RABGAP1L: variants seen among roughly 807,000 people sequenced by gnomAD.
The protein encoded by RABGAP1L is rab GTPase-activating protein 1-like.
RABGAP1L carries 63 observed loss-of-function variants against 137.7 expected under a neutral mutation model. The ratio of observed to expected loss-of-function variants is 0.46; its 90% CI spans 0.37 to 0.56. RABGAP1L has a LOEUF of 0.56. Among genes scored for constraint, RABGAP1L ranks in the 20% least tolerant of loss-of-function variants. The pLI is 0.00. For synonymous variants in RABGAP1L, 431 were observed against 433.7 expected (o/e 0.99, Z 0.08); for missense variants, 1,095 against 1,244.0 (o/e 0.88, Z 1.80).
intron 11 of RABGAP1L, among the ~76,000 whole-genome samples, chr1:174,328,418 A>G (rs1301212488): frequency 6.6e-6 from 1 of 152,190 alleles, no homozygotes; most frequent in Non-Finnish European, 1.5e-5. Flanking sequence ...ATGCATAGAA[A>G]TTAAACAATA....
chr1:174,494,652 A>G (rs1158230340), intron 13 of RABGAP1L, among the ~76,000 whole-genome samples: 1 of 152,160 alleles, frequency 6.6e-6, no homozygotes, highest in Non-Finnish European at 1.5e-5. Flanking sequence ...AAGAATTCCT[A>G]ACAGCCAAAA....
intron 19 of RABGAP1L, among the ~76,000 whole-genome samples, chr1:174,822,687 A>C (rs1254086223): frequency 2.0e-5 from 3 of 152,208 alleles, no homozygotes; most frequent in Non-Finnish European, 4.4e-5. Flanking sequence ...ATGAAAATCT[A>C]ATGCTACTGC....
intron 12 of RABGAP1L, among the ~76,000 whole-genome samples, chr1:174,392,560 C>T (rs918192229): frequency 6.6e-6 from 1 of 152,152 alleles, no homozygotes; most frequent in Non-Finnish European, 1.5e-5. Flanking sequence ...TAAAAGAAAC[C>T]ATTAAATCTG....
At chr1:174,779,700 T>C (rs932313430) in intron 18 of RABGAP1L, among the ~76,000 whole-genome samples, 2 of 152,216 alleles carry the variant, frequency 1.3e-5, no homozygotes, top group Non-Finnish European at 2.9e-5. Flanking sequence ...TAACCCTTAC[T>C]TCATTTGATT....
chr1:174,231,042 G>C (rs993653372), intron 3 of RABGAP1L, 103 bp from the exon 4 acceptor site: 1 of 802,898 alleles, frequency 1.2e-6, no homozygotes, highest in African/African-American at 1.7e-5. Context: ...GAGAGACCTA[G>C]ATTTTGTTTG....
At chr1:174,851,872 G>A (rs182136955) in intron 19 of RABGAP1L, among the ~76,000 whole-genome samples, 7 of 151,952 alleles carry the variant, frequency 4.6e-5, no homozygotes, top group African/African-American at 1.7e-4. Context: ...AAATTCCTGG[G>A]TTTATGTGAC....
At chr1:174,378,041 T>C (rs1326873640) in intron 12 of RABGAP1L, among the ~76,000 whole-genome samples, 2 of 143,462 alleles carry the variant, frequency 1.4e-5, no homozygotes, top group African/African-American at 5.4e-5. Context: ...CGGTGTTTGG[T>C]TTTTTGTTCT....
chr1:174,990,183 C>T lies in RABGAP1L; in HGVS notation c.*182C>T, dbSNP rs565050282. 5.3e-4 allele frequency: 377 copies of T among 705,938 alleles called. No homozygotes were observed. Among genetic ancestry groups the T allele is most frequent in the Non-Finnish European group, 5.2e-4 (237 of 455,602 alleles). The allele number at this position is 705,938 out of a possible 1,614,324, so 43.7% of individuals were successfully genotyped here. On this transcript the variant is annotated 3_prime_UTR_variant, in exon 26 of 26. Coordinates refer to ENST00000681986, the MANE Select transcript of RABGAP1L (RefSeq NM_001366446.1). ...GGGATGCTATTTAAACTGACCTGTT[C>T]TATGTTGAATACCTATTTTCCAGCT... is the stretch of plus-strand genomic sequence containing the variant.
At chr1:174,984,727 G>A (rs898954476) in intron 24 of RABGAP1L, among the ~76,000 whole-genome samples, 6 of 152,138 alleles carry the variant, frequency 3.9e-5, no homozygotes, top group African/African-American at 1.4e-4. Context: ...GAGCAGCAGA[G>A]TGAGATTCCA....
At chr1:174,218,954 C>T (rs1167806809) in intron 1 of RABGAP1L, among the ~76,000 whole-genome samples, 171 bp from the exon 2 acceptor site, 2 of 152,050 alleles carry the variant, frequency 1.3e-5, no homozygotes, top group East Asian at 1.9e-4. Flanking sequence ...AGTACATTTC[C>T]ATTAAGTGGC....
chr1:174,489,961 T>C (rs6658315), intron 13 of RABGAP1L, among the ~76,000 whole-genome samples: 58,739 of 151,774 alleles, frequency 0.39, 14,294 homozygotes, highest in African/African-American at 0.69. Flanking sequence ...GTTCAGTTCA[T>C]GTGATAGAAT....
chr1:174,932,305 T>C (rs972941818), intron 19 of RABGAP1L, among the ~76,000 whole-genome samples: 11 of 151,970 alleles, frequency 7.2e-5, no homozygotes, highest in African/African-American at 2.2e-4. Context: ...TTTAACTCTC[T>C]CCTTAGTCAC....
intron 19 of RABGAP1L, among the ~76,000 whole-genome samples, chr1:174,934,567 A>C (rs1313044060): frequency 6.6e-6 from 1 of 152,028 alleles, no homozygotes; most frequent in Non-Finnish European, 1.5e-5. Context: ...CAGGTGGATC[A>C]GTTGCTTGAG....
At chr1:174,544,559 G>C (rs912351939) in intron 13 of RABGAP1L, among the ~76,000 whole-genome samples, 1 of 152,104 alleles carries the variant, frequency 6.6e-6, no homozygotes, top group Admixed American at 6.5e-5. Context: ...CTTTAGCTCG[G>C]ATAAGTTCGT....
chr1:174,868,828 C>T (rs960856722), intron 19 of RABGAP1L, among the ~76,000 whole-genome samples: 1 of 152,134 alleles, frequency 6.6e-6, no homozygotes, highest in Non-Finnish European at 1.5e-5. Flanking sequence ...AAGACTTCAC[C>T]TCCACTAACC....
intron 18 of RABGAP1L, among the ~76,000 whole-genome samples, chr1:174,800,671 T>A (rs1280849440): frequency 6.6e-6 from 1 of 152,172 alleles, no homozygotes; most frequent in Non-Finnish European, 1.5e-5. Flanking sequence ...TGGAGCCTGG[T>A]CCACACCACC....
At chr1:174,274,799 T>C (rs1057310809) in intron 8 of RABGAP1L, among the ~76,000 whole-genome samples, 9 of 152,030 alleles carry the variant, frequency 5.9e-5, no homozygotes, top group African/African-American at 1.9e-4. Flanking sequence ...ACTAGAAAAA[T>C]ATACATAGTA....
chr1:174,329,169 C>T (rs1680806750), intron 11 of RABGAP1L, among the ~76,000 whole-genome samples: 1 of 151,674 alleles, frequency 6.6e-6, no homozygotes, highest in African/African-American at 2.4e-5. Context: ...CAACTGATAC[C>T]CTAGAAATGC....
intron 18 of RABGAP1L, among the ~76,000 whole-genome samples, chr1:174,766,487 A>G (rs984765181): frequency 1.3e-5 from 2 of 151,906 alleles, no homozygotes; most frequent in African/African-American, 4.8e-5. Context: ...AGTCTTGATT[A>G]CTCTAGCTTT....
Sources: gnomAD v4.1 joint callset for allele counts (sites outside exome capture counted in the v4.1 genomes callset) on GRCh38, gnomAD v4.1.1 for gene constraint, MANE v1.5 for transcripts, NCBI Gene and HGNC (gene_info 2026-07-23, HGNC 2026-07-21) for gene names.